The following GOSR2 variants were observed in gnomAD, a reference collection of about 807,000 sequenced individuals.
The protein encoded by GOSR2 is 27 kDa Golgi SNARE protein.
A neutral mutation model predicts 27.9 loss-of-function variants in GOSR2; 20 were observed. That is an observed-to-expected ratio of 0.72 (90% CI 0.50 to 1.04). The LOEUF (loss-of-function observed/expected upper bound fraction) is 1.04. Ranked by LOEUF, GOSR2 falls within the 50% of genes least tolerant of loss-of-function variation. The probability of loss-of-function intolerance (pLI) is 0.00; values close to 1 mark genes in which losing one functional copy is unlikely to be tolerated. For missense variants in GOSR2, 261 were observed against 270.5 expected, an observed-to-expected ratio of 0.97 and a Z score of 0.25; for synonymous variants, 91 against 98.8, an observed-to-expected ratio of 0.92 and a Z score of 0.47.
chr17:46,953,996 G>A (rs572690265), intron 6 of GOSR2, among the ~76,000 whole-genome samples: 17 of 152,170 alleles, frequency 1.1e-4, no homozygotes, highest in East Asian at 3.9e-4. Flanking sequence ...GCCTGTTCAC[G>A]CTGATGGTAG....
Position 46,939,725 on chromosome 17 carries a change from C to G in GOSR2, c.*965C>G. The G allele has an allele frequency of 2.0e-6, 2 of 986,566 alleles. No individual in the cohort carries two copies. Among genetic ancestry groups the G allele is most frequent in the Non-Finnish European group, 2.4e-6 (2 of 830,748 alleles). The allele number at this position is 986,566 out of a possible 1,614,324, so 61.1% of individuals were successfully genotyped here. On this transcript the variant is annotated 3_prime_UTR_variant, in exon 6 of 6. Coordinates refer to ENST00000640051, the MANE Select transcript of GOSR2 (RefSeq NM_004287.5). ...TGGGCAGATCCCACCGTGGAGACAT[C>G]TGTAGTGTGTATGTCCTTGTAACAC...
At chr17:46,946,884 A>G (rs1599130149), downstream of GOSR2, among the ~76,000 whole-genome samples, 3 of 152,324 alleles carry the variant, frequency 2.0e-5, 1 homozygote, top group East Asian at 5.8e-4. Context: ...AACAAAAATT[A>G]TGAGATGTCG....
chr17:46,964,438 G>C (rs1395644243), intron 6 of GOSR2: 1 of 152,320 alleles, frequency 6.6e-6, no homozygotes, highest in South Asian at 2.1e-4. Flanking sequence ...GCCGGGACCT[G>C]CTGGAGAACA....
intron 6 of GOSR2, among the ~76,000 whole-genome samples, chr17:46,972,022 G>C (rs935919647): frequency 7.2e-5 from 11 of 152,308 alleles, no homozygotes; most frequent in African/African-American, 2.6e-4. Context: ...GTGGGGGAGA[G>C]GGGGGACCTT....
At chr17:46,934,128 G>A (rs1386310355) in intron 4 of GOSR2, among the ~76,000 whole-genome samples, 2 of 152,110 alleles carry the variant, frequency 1.3e-5, no homozygotes, top group African/African-American at 4.8e-5. Flanking sequence ...TGGGTAACAG[G>A]GCAGGCCCTG....
At chr17:46,950,298 C>T (rs1201860279) in intron 6 of GOSR2, among the ~76,000 whole-genome samples, 5 of 152,136 alleles carry the variant, frequency 3.3e-5, no homozygotes, top group African/African-American at 1.2e-4. Flanking sequence ...CTCTCTGCCT[C>T]TTGTAGGTGA....
chr17:46,929,859 T>C, intron 2 of GOSR2: 1 of 414,594 alleles, frequency 2.4e-6, no homozygotes. Context: ...CTTAATCTAA[T>C]TACCTAGTCC....
Position 46,927,213 on chromosome 17 carries a change from T to TA in GOSR2, c.30-2299dup, listed in dbSNP as rs199949418. 2.6e-3 allele frequency among the ~76,000 whole-genome samples: 389 copies of TA among 152,152 alleles called. 3 individuals carry two copies. Among genetic ancestry groups the TA allele is most frequent in the African/African-American group, 7.9e-3 (327 of 41,536 alleles). Reference sequence around the variant, plus strand: ...TTCTGTCATTTGCCCTTTTTTCATTTAAAAAAAATGCCTTGTTTGACTTTT... The same window carrying TA: ...TTCTGTCATTTGCCCTTTTTTCATTTAAAAAAAAATGCCTTGTTTGACTTTT... On this transcript the variant is annotated intron_variant, in intron 1 of 5. Coordinates refer to ENST00000640051, the MANE Select transcript of GOSR2 (RefSeq NM_004287.5).
chr17:46,958,916 A>G (rs2090897101), intron 6 of GOSR2, among the ~76,000 whole-genome samples: 1 of 152,244 alleles, frequency 6.6e-6, no homozygotes, highest in African/African-American at 2.4e-5. Context: ...ACCTACCTCC[A>G]AGAACTATTA....
At chr17:46,950,291 T>C (rs775161342) in intron 6 of GOSR2, among the ~76,000 whole-genome samples, 5 of 152,178 alleles carry the variant, frequency 3.3e-5, no homozygotes, top group Non-Finnish European at 5.9e-5. Context: ...GTGTGGACTC[T>C]CTGCCTCTTG....
chr17:46,968,512 G>A (rs932321340), downstream of GOSR2, among the ~76,000 whole-genome samples: 4 of 152,228 alleles, frequency 2.6e-5, no homozygotes, highest in Non-Finnish European at 2.9e-5. Flanking sequence ...CCCAGCCCCT[G>A]CCATGGGAAG....
At chr17:46,953,724 C>T (rs1230195823) in intron 6 of GOSR2, among the ~76,000 whole-genome samples, 2 of 152,136 alleles carry the variant, frequency 1.3e-5, no homozygotes, top group South Asian at 2.1e-4. Flanking sequence ...TTTTAATGAT[C>T]GCCATTCTAA....
chr17:46,923,841 A>T lies in GOSR2; in HGVS notation c.29+620A>T. The stretch of plus-strand genomic sequence containing the variant: ...GTGTCCTTTATTCGCATCGTCCTGC[A>T]CTTTCGGAATTGCTGAGATACGTAG... On this transcript the variant is annotated intron_variant, in intron 1 of 5. Coordinates refer to ENST00000640051, the MANE Select transcript of GOSR2 (RefSeq NM_004287.5). 1.0e-5 allele frequency: 4 copies of T among 399,080 alleles called. 1 individual carries two copies. Among genetic ancestry groups the T allele is most frequent in the East Asian group, 7.1e-5 (2 of 28,072 alleles). The allele number at this position is 399,080 out of a possible 1,614,324, so 24.7% of individuals were successfully genotyped here. A position where few individuals can be genotyped will look rare whatever the true frequency, so the allele number is the denominator to read the frequency against.
intron 6 of GOSR2, among the ~76,000 whole-genome samples, chr17:46,956,016 C>A (rs139239032): frequency 6.6e-6 from 1 of 152,230 alleles, no homozygotes; most frequent in East Asian, 1.9e-4. Context: ...TTTCCATGCC[C>A]CATGGAGCCT....
At chr17:46,935,822 A>T (rs528396006) in intron 5 of GOSR2, 1 of 986,032 alleles carries the variant, frequency 1.0e-6, no homozygotes, top group Admixed American at 6.1e-5. Flanking sequence ...CTCTGATGTC[A>T]GTCATGATGT....
At chr17:46,938,447 G>C (rs934638193) in intron 5 of GOSR2, 152 bp from the exon 6 acceptor site, 2 of 1,170,258 alleles carry the variant, frequency 1.7e-6, no homozygotes, top group Admixed American at 1.7e-5. Flanking sequence ...CGACATGAGA[G>C]TGGCTCTATT....
At chr17:46,974,602 C>T (rs1002634895) in intron 6 of GOSR2, among the ~76,000 whole-genome samples, 24 of 152,144 alleles carry the variant, frequency 1.6e-4, no homozygotes, top group African/African-American at 5.5e-4. Flanking sequence ...GGCGTGGTGG[C>T]GGGCGCCTGT....
intron 6 of GOSR2, among the ~76,000 whole-genome samples, chr17:46,973,614 A>G (rs1272816346): frequency 6.6e-6 from 1 of 151,918 alleles, no homozygotes; most frequent in African/African-American, 2.4e-5. Flanking sequence ...GCCTCAGAAC[A>G]CCCCGCAATG....
At chr17:46,925,953 C>A (rs961032014) in intron 1 of GOSR2, among the ~76,000 whole-genome samples, 1 of 152,140 alleles carries the variant, frequency 6.6e-6, no homozygotes, top group African/African-American at 2.4e-5. Context: ...TTTTTGAGAT[C>A]CCAATGGTTG....
Sources: gnomAD v4.1 joint callset for allele counts (sites outside exome capture counted in the v4.1 genomes callset) on GRCh38, gnomAD v4.1.1 for gene constraint, MANE v1.5 for transcripts, NCBI Gene and HGNC (gene_info 2026-07-23, HGNC 2026-07-21) for gene names.